Variants in CPS1 observed in about 807,000 individuals in gnomAD.
CPS1 encodes the protein carbamoyl-phosphate synthase [ammonia], mitochondrial.
CPS1 carries 109 observed loss-of-function variants against 174.6 expected under a neutral mutation model. The ratio of observed to expected loss-of-function variants is 0.62; its 90% CI spans 0.53 to 0.73. CPS1 has a LOEUF of 0.73. Among genes scored for constraint, CPS1 ranks in the 30% least tolerant of loss-of-function variants. CPS1 has a pLI of 0.00. For synonymous variants in CPS1, 637 were observed against 632.0 expected (o/e 1.01, Z -0.12); for missense variants, 1,689 against 1,821.9 (o/e 0.93, Z 1.33).
intron 7 of CPS1, 139 bp downstream of exon 7, chr2:210,588,286 AC>A (rs1698173656): frequency 3.9e-6 from 3 of 761,366 alleles, no homozygotes; most frequent in Non-Finnish European, 4.6e-6. Flanking sequence ...CTTTTGATTT[AC>A]AAAATAACAC....
At position 210,606,515 on chromosome 2, in the gene CPS1, A is replaced by T. The variant is rs140185859; in HGVS notation, c.1982-216A>T. ...TGAAGCCTTGATAGCTACTTACTAG[A>T]TAGATGAACTTGGGAAAGGTTAGAG... On this transcript the variant is annotated intron_variant, in intron 17 of 37. Coordinates refer to ENST00000233072, the MANE Select transcript of CPS1 (RefSeq NM_001875.5). Among the ~76,000 whole-genome samples the T allele has an allele frequency of 5.4e-3, 820 of 152,006 alleles. 11 individuals are homozygous for T. The highest frequency in any genetic ancestry group is 0.018 in the African/African-American group (759 of 41,524).
chr2:210,590,095 C>T lies in CPS1; in HGVS notation c.712-11C>T, dbSNP rs561995236. 171 of 1,612,548 alleles carry T rather than the reference C, an allele frequency of 1.1e-4. 3 individuals are homozygous for T. The Middle Eastern group carries it at 1.2e-3, about 11-fold the overall frequency. ...GTTATTAAATTCATCATTCTTGTGT[C>T]TCTTTTCCAGCGAGGAGCTGAAGTG... On this transcript the variant is annotated splice_polypyrimidine_tract_variant and intron_variant, in intron 7 of 37. Transcript: ENST00000233072.
At chr2:210,583,602 G>T (rs1013627353) in intron 6 of CPS1, among the ~76,000 whole-genome samples, 85 of 152,122 alleles carry the variant, frequency 5.6e-4, no homozygotes, top group Non-Finnish European at 8.2e-4. Context: ...GGAATGGCTT[G>T]CCAAGAGGCA....
chr2:210,510,866 A>G (rs1164171605), intron 1 of CPS1, among the ~76,000 whole-genome samples: 1 of 152,256 alleles, frequency 6.6e-6, no homozygotes, highest in Non-Finnish European at 1.5e-5. Flanking sequence ...GCGATCATTA[A>G]GAAGTCAGGA....
intron 21 of CPS1, among the ~76,000 whole-genome samples, chr2:210,632,765 GA>G (rs1699908082): frequency 6.6e-6 from 1 of 152,170 alleles, no homozygotes; most frequent in South Asian, 2.1e-4. Flanking sequence ...GAAATAACCA[GA>G]GAGACCATGA....
At chr2:210,488,993 G>A (rs1036298964) in intron 1 of CPS1, among the ~76,000 whole-genome samples, 1 of 151,972 alleles carries the variant, frequency 6.6e-6, no homozygotes, top group Admixed American at 6.6e-5. Context: ...TACAAATCTT[G>A]GAAATTAGAG....
Position 210,642,471 on chromosome 2 carries a change from A to C in CPS1, c.2960-13A>C. The C allele has an allele frequency of 6.2e-7, 1 of 1,613,774 alleles. No homozygotes were observed. The highest frequency in any genetic ancestry group is 8.5e-7 in the Non-Finnish European group (1 of 1,179,782). ...TTCTCTTATCCCTTTTGCCAATCTCATTGTCTCTGCAGGCAGCAGTGTGGA... is the reference window on the plus strand; with the variant it reads ...TTCTCTTATCCCTTTTGCCAATCTCCTTGTCTCTGCAGGCAGCAGTGTGGA... On this transcript the variant is annotated splice_polypyrimidine_tract_variant and intron_variant, in intron 24 of 37. Transcript: ENST00000233072.
At chr2:210,581,529 A>T (rs909971351) in intron 5 of CPS1, among the ~76,000 whole-genome samples, 5 of 152,168 alleles carry the variant, frequency 3.3e-5, no homozygotes, top group African/African-American at 1.2e-4. Context: ...GAAAAGGGGA[A>T]GGAGAACTAA....
intron 1 of CPS1, among the ~76,000 whole-genome samples, chr2:210,494,525 G>T (rs767295794): frequency 5.9e-5 from 9 of 152,044 alleles, no homozygotes; most frequent in Non-Finnish European, 1.2e-4. Context: ...TCTCTACATA[G>T]ACCCTAAACG....
At chr2:210,521,970 T>C (rs533945048) in intron 1 of CPS1, among the ~76,000 whole-genome samples, 3 of 152,076 alleles carry the variant, frequency 2.0e-5, no homozygotes, top group African/African-American at 7.2e-5. Flanking sequence ...TGGATCTTGC[T>C]CTTATGACTT....
chr2:210,668,107 TTTTA>T (rs1366949839), intron 33 of CPS1, 75 bp from the exon 34 acceptor site: 1 of 874,268 alleles, frequency 1.1e-6, no homozygotes, highest in South Asian at 1.4e-5. Flanking sequence ...TGTGTGTGTA[TTTTA>T]ATTTTAATTT....
chr2:210,554,256 CAT>C (rs1172455795), upstream of CPS1, among the ~76,000 whole-genome samples: 4 of 138,800 alleles, frequency 2.9e-5, no homozygotes, highest in African/African-American at 5.3e-5. Context: ...TATACACACA[CAT>C]ATATATATGT....
intron 34 of CPS1, among the ~76,000 whole-genome samples, chr2:210,669,123 C>A (rs1235522852): frequency 6.6e-6 from 1 of 152,104 alleles, no homozygotes; most frequent in African/African-American, 2.4e-5. Context: ...AAATGAATAT[C>A]TTTATGCAAT....
At chr2:210,660,766 A>G in intron 32 of CPS1, 111 bp downstream of exon 32, 4 of 1,040,378 alleles carry the variant, frequency 3.8e-6, no homozygotes, top group Non-Finnish European at 5.8e-6. Context: ...AAAGGGTTGG[A>G]CTAGGGATTT....
chr2:210,595,646 A>G (rs1036738023), intron 13 of CPS1, 64 bp downstream of exon 13: 2 of 1,127,894 alleles, frequency 1.8e-6, no homozygotes, highest in African/African-American at 3.1e-5. Flanking sequence ...TTAGTATTTT[A>G]TAATTTAGAT....
chr2:210,612,261 C>G lies in CPS1; in HGVS notation c.2536C>G (p.Pro846Ala). 1 of 1,612,068 alleles carries G rather than the reference C, an allele frequency of 6.2e-7. No homozygotes were observed. The highest frequency in any genetic ancestry group is 8.5e-7 in the Non-Finnish European group (1 of 1,178,716). ...AGATCTTAGAAAAGAGTTGTCTGAA[C>G]CAAGCAGCACGCGTATCTATGCCAT... ...NLDLRKELSE[P>A]SSTRIYAIAK... Residue 846 changes from proline to alanine, a missense_variant, in exon 20 of 38, where the codon CCA (proline) becomes GCA (alanine). Transcript: ENST00000233072.
At chr2:210,566,426 C>A (rs898097002) in intron 1 of CPS1, among the ~76,000 whole-genome samples, 2 of 152,072 alleles carry the variant, frequency 1.3e-5, no homozygotes, top group African/African-American at 4.8e-5. Flanking sequence ...TCAGGTAATT[C>A]ATGACTTGAC....
rs543539614 is a variant in CPS1, at chr2:210,623,270, T to C, written c.2687+6729T>C. ...TTCATTCATTTTACACGTTCAAAAG[T>C]AGGAGATATAACCATTGTGATACAA... On this transcript the variant is annotated intron_variant, in intron 21 of 37. Coordinates refer to ENST00000233072, the MANE Select transcript of CPS1 (RefSeq NM_001875.5). 6.6e-5 allele frequency among the ~76,000 whole-genome samples: 10 copies of C among 152,252 alleles called. No homozygotes were observed. In the South Asian group the frequency reaches 1.5e-3, roughly 22 times the overall value.
In CPS1 at chr2:210,573,394, A is replaced by T; in HGVS notation, c.223A>T (p.Thr75Ser). The change falls in exon 2 of 38, where the codon ACT becomes TCT. Residue 75 changes from threonine (T) to serine (S), a missense_variant. Thr to Ser is a moderately conservative substitution (Grantham distance 58). Transcript: ENST00000233072. ...TGTTGCTGGTGAAGTGGTTTTTAAT[A>T]CTGGCCTGGGAGGGTGAGTAATGCT... ...SSVAGEVVFN[T>S]GLGGYPEAIT... 1 of 1,612,038 alleles carries T rather than the reference A, an allele frequency of 6.2e-7. No individual in the cohort carries two copies. Among genetic ancestry groups the T allele is most frequent in the Non-Finnish European group, 8.5e-7 (1 of 1,178,296 alleles).
Sources: allele counts gnomAD v4.1 joint callset (sites outside exome capture counted in the v4.1 genomes callset), GRCh38; gene constraint gnomAD v4.1.1; transcripts MANE v1.5; gene names NCBI Gene and HGNC (gene_info 2026-07-23, HGNC 2026-07-21).